MUC4: variants seen among roughly 807,000 people sequenced by gnomAD.
MUC4 encodes the protein mucin 4, cell surface associated, also known as mucin-4.
A neutral mutation model predicts 257.9 loss-of-function variants in MUC4; 202 were observed. The ratio of observed to expected loss-of-function variants is 0.78; its 90% CI spans 0.70 to 0.88. The LOEUF (loss-of-function observed/expected upper bound fraction) is 0.88. MUC4 is among the 40% of genes least tolerant of loss of function. MUC4 has a pLI of 0.00. For synonymous variants in MUC4, 2,351 were observed against 2,757.1 expected (o/e 0.85, Z 4.62); for missense variants, 5,976 against 6,513.7 (o/e 0.92, Z 2.84).
chr3:195,750,036 C>T (rs1237466093), intron 23 of MUC4: 3 of 152,272 alleles, frequency 2.0e-5, no homozygotes, highest in African/African-American at 7.2e-5. Flanking sequence ...ACCCCCTGCT[C>T]CGGGAGAGAG....
chr3:195,798,153 C>A (rs930514025), intron 1 of MUC4, among the ~76,000 whole-genome samples: 36 of 151,856 alleles, frequency 2.4e-4, no homozygotes, highest in Non-Finnish European at 7.4e-5. Context: ...AACTGCATTC[C>A]TATATATCAG....
At chr3:195,808,574 C>G (rs1015363373) in intron 1 of MUC4, among the ~76,000 whole-genome samples, 1 of 152,152 alleles carries the variant, frequency 6.6e-6, no homozygotes, top group African/African-American at 2.4e-5. Context: ...ACGTAGTAGC[C>G]CCTTCCCCCT....
At chr3:195,767,651 C>CCAT (rs1560262999) in intron 7 of MUC4, among the ~76,000 whole-genome samples, 7 of 93,860 alleles carry the variant, frequency 7.5e-5, no homozygotes, top group African/African-American at 3.7e-4. Flanking sequence ...ATCGCCACCA[C>CCAT]CACCACCACC....
chr3:195,747,356 C>T lies in MUC4; in HGVS notation c.16059G>A (p.Thr5353=), dbSNP rs1327482033. The change falls in exon 25 of 25, where the codon ACG becomes ACA. Residue 5353 remains threonine, a synonymous_variant. Transcript: ENST00000463781. ...RCSCVSFSIY[T]AWGEHCEHLS... ...GGTGCTCACAGTGCTCGCCCCAGGCCGTGTAGATGGAGAAGGACACACAGC... is the reference window on the plus strand; with the variant it reads ...GGTGCTCACAGTGCTCGCCCCAGGCTGTGTAGATGGAGAAGGACACACAGC... 3.1e-6 allele frequency: 5 copies of T among 1,613,976 alleles called. No homozygotes were observed. The highest frequency in any genetic ancestry group is 3.3e-5 in the Admixed American group (2 of 60,028).
In MUC4 at chr3:195,779,652, T is replaced by G; in HGVS notation, c.11928A>C (p.Ser3976=). The change falls in exon 2 of 25, where the codon TCA becomes TCC. Residue 3976 remains serine, a synonymous_variant. Coordinates refer to ENST00000463781, the MANE Select transcript of MUC4 (RefSeq NM_018406.7). ...ATSLPVTSRS[S]ASTGHATPLP... is the part of the protein sequence containing the mutation. ...GGGGGGTGGCGTGACCTGTGGATGCTGAGGAACGGCTGGTGACAGGAAGAG... is the reference window on the plus strand; with the variant it reads ...GGGGGGTGGCGTGACCTGTGGATGCGGAGGAACGGCTGGTGACAGGAAGAG... The G allele has an allele frequency of 1.2e-6, 1 of 820,582 alleles. No homozygotes were observed. Among genetic ancestry groups the G allele is most frequent in the Non-Finnish European group, 1.7e-6 (1 of 584,194 alleles). 50.8% of individuals were successfully genotyped at this position (820,582 alleles called of 1,614,324 possible).
rs1355840355 is a variant in MUC4, at chr3:195,753,239, T to C, written c.15329-9A>G. On this transcript the variant is annotated splice_polypyrimidine_tract_variant and intron_variant, in intron 19 of 24. Coordinates refer to ENST00000463781, the MANE Select transcript of MUC4 (RefSeq NM_018406.7). Reference sequence around the variant, plus strand: ...GAAAGAGCTCCCCAGAGCTGCAGAGTGAGTAGGGAGGTCAGCAGCAGCGCG... The same window carrying C: ...GAAAGAGCTCCCCAGAGCTGCAGAGCGAGTAGGGAGGTCAGCAGCAGCGCG... 2 of 1,611,874 alleles carry C rather than the reference T, an allele frequency of 1.2e-6. No individual in the cohort carries two copies. The highest frequency in any genetic ancestry group is 1.7e-6 in the Non-Finnish European group (2 of 1,179,182).
chr3:195,808,495 G>A (rs537895404), intron 1 of MUC4, among the ~76,000 whole-genome samples: 3 of 152,086 alleles, frequency 2.0e-5, no homozygotes, highest in Admixed American at 6.5e-5. Flanking sequence ...GTGAGCCACC[G>A]CGCCCGGCCC....
At chr3:195,760,812 A>C in intron 16 of MUC4, 72 bp downstream of exon 16, 1 of 1,245,872 alleles carries the variant, frequency 8.0e-7, no homozygotes, top group Non-Finnish European at 1.2e-6. Flanking sequence ...AGGGAAAAGC[A>C]GGGTCAGGCA....
chr3:195,788,889 A>G lies in MUC4; in HGVS notation c.2691T>C (p.Ser897=), dbSNP rs1733453605. ...GGGAAATGGCGGCTGTCTCCTGAGG[A>G]GAGGCACTGGGAGAAGTTGGGCTTG... ...GQSSPTSPSA[S]PQETAAISRM... The change falls in exon 2 of 25, where the codon TCT becomes TCC. Residue 897 remains serine (S), a synonymous_variant. Coordinates refer to ENST00000463781, the MANE Select transcript of MUC4 (RefSeq NM_018406.7). 1 of 1,613,530 alleles carries G rather than the reference A, an allele frequency of 6.2e-7. No individual in the cohort carries two copies. Among genetic ancestry groups the G allele is most frequent in the Admixed American group, 1.7e-5 (1 of 59,920 alleles).
At chr3:195,761,252 G>C (rs1718831954) in intron 15 of MUC4, 135 bp from the exon 16 acceptor site, 2 of 833,086 alleles carry the variant, frequency 2.4e-6, no homozygotes, top group African/African-American at 3.4e-5. Context: ...TCCAGCTTCT[G>C]AGTCTAGAAA....
At position 195,755,617 on chromosome 3, in the gene MUC4, T is replaced by C. The variant is rs1298155145; in HGVS notation, c.15169-1245A>G. The stretch of plus-strand genomic sequence containing the variant: ...GGCGCCGAGACCTCACCAAGCTCCC[T>C]GCGCTCCCCTTTCTAACTCCCTTAC... On this transcript the variant is annotated intron_variant, in intron 18 of 24. Transcript: ENST00000463781. This position sits in a 1 kb window ranked among gnomAD's most constrained non-coding sequence, Gnocchi z 5.0. 6.6e-6 allele frequency among the ~76,000 whole-genome samples: 1 copy of C among 151,984 alleles called. No homozygotes were observed. The highest frequency in any genetic ancestry group is 1.5e-5 in the Non-Finnish European group (1 of 68,002).
chr3:195,767,730 CCACCACCA>C (rs1721475019), intron 7 of MUC4, among the ~76,000 whole-genome samples: 1 of 7,170 alleles, frequency 1.4e-4, no homozygotes, highest in African/African-American at 5.7e-4. Flanking sequence ...ACCACCATCA[CCACCACCA>C]TCACCATCGC....
rs371724140 is a variant in MUC4, at chr3:195,778,824, T to C, written c.12756A>G (p.Val4252=). ...CCATCTTCAGAGGGGAGTCCGAGGA[T>C]ACTGTGGAAGCTGAGGTAGCACTGC... ...AVSSATSAST[V]SSDSPLKMET... The change falls in exon 2 of 25, where the codon GTA becomes GTG. Residue 4252 remains valine (V), a synonymous_variant. Transcript: ENST00000463781. 3.7e-6 allele frequency: 6 copies of C among 1,612,082 alleles called. No homozygotes were observed. The highest frequency in any genetic ancestry group is 2.7e-5 in the African/African-American group (2 of 74,874).
Position 195,765,030 on chromosome 3 carries a change from C to T in MUC4, c.13891G>A (p.Glu4631Lys). Reference sequence around the variant, plus strand: ...CAAGGACGCTGCACGTGCCAGCCTTCACGAAACTCTCCCCAGGGCCCGTAG... The same window carrying T: ...CAAGGACGCTGCACGTGCCAGCCTTTACGAAACTCTCCCCAGGGCCCGTAG... ...CSYGPWGEFR[E>K]GWHVQRPWQL... is the part of the protein sequence containing the mutation. Residue 4631 changes from glutamate to lysine, a missense_variant, in exon 10 of 25, where the codon GAA becomes AAA. Physicochemically the swap from Glu to Lys is moderately conservative, Grantham distance 56 (BLOSUM62 1). Around this residue, in one of 44 missense-constraint regions of MUC4, gnomAD observed 996 missense variants for 1,137.3 expected, o/e 0.88. Transcript: ENST00000463781. 6.2e-7 allele frequency: 1 copy of T among 1,613,952 alleles called. No homozygotes were observed. The highest frequency in any genetic ancestry group is 8.5e-7 in the Non-Finnish European group (1 of 1,179,994).
rs1717895391 is a variant in MUC4 at position 195,757,449 on chromosome 3, C to A, written c.14987-121G>T. ...ACCCTCCCCCTCCCCAGACAAATCT[C>A]ATTGGTCATTTCCTTTGAGCAAGGC... On this transcript the variant is annotated intron_variant, in intron 17 of 24. Transcript: ENST00000463781. This position sits in a 1 kb window ranked among gnomAD's most constrained non-coding sequence, Gnocchi z 4.8. 4.4e-6 allele frequency: 4 copies of A among 911,312 alleles called. 1 individual carries two copies. The South Asian group carries it at 7.1e-5, about 16-fold the overall frequency. 56.5% of individuals were successfully genotyped at this position (911,312 alleles called of 1,614,324 possible).
rs1716591481 is a variant in MUC4, at chr3:195,752,259, C to T, written c.15582+114G>A. 3 of 1,023,466 alleles carry T rather than the reference C, an allele frequency of 2.9e-6. No individual in the cohort carries two copies. The East Asian group carries it at 7.2e-5, about 24-fold the overall frequency. 63.4% of individuals were successfully genotyped at this position (1,023,466 alleles called of 1,614,324 possible). A position where few individuals can be genotyped will look rare whatever the true frequency, so the allele number is the denominator to read the frequency against. On this transcript the variant is annotated intron_variant, in intron 21 of 24. Transcript: ENST00000463781. ...ATGGGGCAAGAGGCTCCGGCCTCCT[C>T]TGGCAGTTGAATCCAGATGGATGAC...
At position 195,788,680 on chromosome 3, in the gene MUC4, G is replaced by T; in HGVS notation, c.2900C>A (p.Thr967Asn). 1 of 1,613,226 alleles carries T rather than the reference G, an allele frequency of 6.2e-7. No individual in the cohort carries two copies. The highest frequency in any genetic ancestry group is 8.5e-7 in the Non-Finnish European group (1 of 1,179,606). The change falls in exon 2 of 25, where the codon ACC becomes AAC. Residue 967 changes from threonine to asparagine, a missense_variant. By Grantham distance (65) the Thr-to-Asn change is moderately conservative. This residue lies in a region of MUC4 where 1,583 missense variants were observed against 1,257.4 expected (regional missense o/e 1.26). Transcript: ENST00000463781. ...LSPSGSGKTF[T>N]TALISNATPL... ...GGTGGCGTTGCTGATGAGGGCCGTG[G>T]TGAAGGTTTTACCAGACCCTGAAGG... is the stretch of plus-strand genomic sequence containing the variant.
intron 1 of MUC4, among the ~76,000 whole-genome samples, chr3:195,793,754 G>T (rs1405754553): frequency 6.6e-6 from 1 of 152,094 alleles, no homozygotes; most frequent in East Asian, 1.9e-4. Context: ...TATAAGCCGG[G>T]TTAACTCTCT....
chr3:195,767,826 C>CCACCAT (rs1221411419), intron 7 of MUC4, among the ~76,000 whole-genome samples: 2 of 110,908 alleles, frequency 1.8e-5, no homozygotes, highest in Non-Finnish European at 4.2e-5. Context: ...ACCACCACCA[C>CCACCAT]CACCATCACC....
Sources: allele counts gnomAD v4.1 joint callset (sites outside exome capture counted in the v4.1 genomes callset), GRCh38; gene constraint gnomAD v4.1.1; regional missense constraint gnomAD v4.1.1; non-coding constraint Gnocchi (gnomAD v3.1); transcripts MANE v1.5; gene names NCBI Gene and HGNC (gene_info 2026-07-23, HGNC 2026-07-21).